Variants in FHIT observed in about 807,000 individuals in gnomAD.
The protein encoded by FHIT is fragile histidine triad diadenosine triphosphatase.
A neutral mutation model predicts 17.9 loss-of-function variants in FHIT; 19 were observed. The ratio of observed to expected loss-of-function variants is 1.06; its 90% confidence interval spans 0.74 to 1.56. The LOEUF (loss-of-function observed/expected upper bound fraction) is 1.56. Ranked by LOEUF, FHIT falls within the 40% of genes most tolerant of loss-of-function variation. FHIT has a pLI of 0.00. For synonymous variants in FHIT, 81 were observed against 69.7 expected (o/e 1.16, Z -0.81); for missense variants, 248 against 189.2 (o/e 1.31, Z -1.82).
chr3:61,083,376 G>T (rs1017181844), intron 2 of FHIT, among the ~76,000 whole-genome samples: 7 of 152,166 alleles, frequency 4.6e-5, no homozygotes, highest in Non-Finnish European at 7.3e-5. Flanking sequence ...GGATCACGAG[G>T]TCAGGAGATC....
chr3:60,057,046 C>T (rs927155613), intron 5 of FHIT, among the ~76,000 whole-genome samples: 5 of 152,138 alleles, frequency 3.3e-5, no homozygotes, highest in African/African-American at 4.8e-5. Flanking sequence ...AAGAGGAACA[C>T]ATCCACTATT....
chr3:59,824,438 T>C (rs1700906091), intron 8 of FHIT, among the ~76,000 whole-genome samples: 1 of 152,240 alleles, frequency 6.6e-6, no homozygotes, highest in African/African-American at 2.4e-5. Context: ...TCCAGCATAA[T>C]ACCTGACATA....
intron 4 of FHIT, among the ~76,000 whole-genome samples, chr3:60,812,078 T>G (rs1001038549): frequency 6.6e-6 from 1 of 152,144 alleles, no homozygotes; most frequent in South Asian, 2.1e-4. Flanking sequence ...CCATACTTGC[T>G]GTCTTTCTCT....
At chr3:59,911,794 C>T (rs1023078120) in intron 8 of FHIT, among the ~76,000 whole-genome samples, 2 of 152,162 alleles carry the variant, frequency 1.3e-5, no homozygotes, top group Non-Finnish European at 2.9e-5. Context: ...AGGAAAGCCA[C>T]GGACCTGAGG....
intron 4 of FHIT, chr3:60,553,458 AT>A: frequency 2.9e-6 from 1 of 348,600 alleles, no homozygotes. Flanking sequence ...ATATATATAT[AT>A]TTTATATTTA....
chr3:60,309,880 C>G (rs1004793991), intron 5 of FHIT, among the ~76,000 whole-genome samples: 1 of 152,120 alleles, frequency 6.6e-6, no homozygotes, highest in Non-Finnish European at 1.5e-5. Context: ...CCTAGATTCT[C>G]ACTACATATT....
intron 8 of FHIT, among the ~76,000 whole-genome samples, chr3:59,770,708 A>C (rs1702036223): frequency 6.6e-6 from 1 of 152,168 alleles, no homozygotes. Context: ...CTAGCCCTCT[A>C]ATACATATAC....
intron 5 of FHIT, among the ~76,000 whole-genome samples, chr3:60,442,518 G>C (rs140069355): frequency 0.069 from 10,450 of 152,064 alleles, 831 homozygotes; most frequent in East Asian, 0.38. Context: ...AGCACCATTT[G>C]TTAAATAGGG....
At chr3:60,832,249 T>G (rs943900135) in intron 3 of FHIT, among the ~76,000 whole-genome samples, 4 of 152,132 alleles carry the variant, frequency 2.6e-5, no homozygotes, top group Non-Finnish European at 5.9e-5. Flanking sequence ...AAAAAAGAGT[T>G]CTATTGTTTT....
intron 2 of FHIT, among the ~76,000 whole-genome samples, chr3:61,193,023 C>A (rs1435321937): frequency 6.6e-6 from 1 of 152,202 alleles, no homozygotes. Flanking sequence ...CAGACATATT[C>A]AAACGCAAAA....
intron 8 of FHIT, among the ~76,000 whole-genome samples, chr3:59,853,808 A>G (rs1449618265): frequency 3.3e-5 from 5 of 152,148 alleles, no homozygotes; most frequent in Non-Finnish European, 5.9e-5. Flanking sequence ...TAGCTAGCTA[A>G]TTTCCATAAA....
At chr3:61,172,085 A>G (rs1165878267) in intron 2 of FHIT, among the ~76,000 whole-genome samples, 1 of 152,184 alleles carries the variant, frequency 6.6e-6, no homozygotes, top group African/African-American at 2.4e-5. Flanking sequence ...AGCAAAATCA[A>G]AGTCATGGGG....
chr3:60,508,196 A>T (rs943772477), intron 5 of FHIT, among the ~76,000 whole-genome samples: 2 of 151,912 alleles, frequency 1.3e-5, no homozygotes, highest in Non-Finnish European at 2.9e-5. Flanking sequence ...AGAGAAATAG[A>T]TAGATTTGTG....
intron 4 of FHIT, among the ~76,000 whole-genome samples, chr3:60,744,246 T>TAAAAAAAAAAAAAAAAAACAA (rs368982395): frequency 6.5e-5 from 2 of 30,920 alleles, no homozygotes; most frequent in Non-Finnish European, 1.1e-4. Flanking sequence ...GGAAGTAATG[T>TAAAAAAAAAAAAAAAAAACAA]AAAAAAAAAA....
intron 8 of FHIT, among the ~76,000 whole-genome samples, chr3:59,856,894 T>C (rs1028248996): frequency 1.3e-5 from 2 of 152,202 alleles, no homozygotes; most frequent in South Asian, 4.2e-4. Context: ...TTAACTCTCC[T>C]TTAATCCCCA....
intron 3 of FHIT, among the ~76,000 whole-genome samples, chr3:60,861,252 C>CATATGATAT (rs1379454087): frequency 1.8e-4 from 2 of 11,318 alleles, no homozygotes; most frequent in African/African-American, 7.9e-4. Flanking sequence ...ATATATGATA[C>CATATGATAT]ATATGATATA....
chr3:60,454,793 C>T (rs1026579193), intron 5 of FHIT, among the ~76,000 whole-genome samples: 5 of 152,236 alleles, frequency 3.3e-5, no homozygotes, highest in South Asian at 4.2e-4. Context: ...AAAGTTGTTA[C>T]ACACATAACC....
chr3:61,188,452 C>T (rs2038598499), intron 2 of FHIT, among the ~76,000 whole-genome samples: 1 of 152,036 alleles, frequency 6.6e-6, no homozygotes, highest in Admixed American at 6.5e-5. Flanking sequence ...AGCTTACCAA[C>T]CAAAAAAAGT....
chr3:60,161,321 C>T (rs1025367329), intron 5 of FHIT, among the ~76,000 whole-genome samples: 1 of 152,206 alleles, frequency 6.6e-6, no homozygotes, highest in Admixed American at 6.5e-5. Context: ...AACGGCACAA[C>T]GTCTGCCTGC....
Sources: gnomAD v4.1 joint callset for allele counts (sites outside exome capture counted in the v4.1 genomes callset) on GRCh38, gnomAD v4.1.1 for gene constraint, MANE v1.5 for transcripts, NCBI Gene and HGNC (gene_info 2026-07-23, HGNC 2026-07-21) for gene names.